Variants in CUL5 observed in about 807,000 individuals in gnomAD.
CUL5 encodes the protein cullin-5.
A neutral mutation model predicts 108.8 loss-of-function variants in CUL5; 26 were observed. The ratio of observed to expected loss-of-function variants is 0.24; its 90% CI spans 0.18 to 0.33. The LOEUF (loss-of-function observed/expected upper bound fraction) is 0.33, where lower values mean the gene tolerates loss of function less well. CUL5 is among the 10% of genes least tolerant of loss of function. The probability of loss-of-function intolerance (pLI) is 1.00; values close to 1 mark genes in which losing one functional copy is unlikely to be tolerated. For synonymous variants in CUL5, 334 were observed against 298.0 expected, an observed-to-expected ratio of 1.12 and a Z score of -1.25; for missense variants, 524 against 909.2, an observed-to-expected ratio of 0.58 and a Z score of 5.45.
chr11:108,009,686 CTGGGCCGTT>C lies in CUL5; in HGVS notation c.24+315_24+323del, dbSNP rs1333117676. On this transcript the variant is annotated intron_variant, in intron 1 of 18. Transcript: ENST00000393094. The stretch of plus-strand genomic sequence containing the variant: ...AATGGTCGTGCGGTGTCCTGACCAG[CTGGGCCGTT>C]AGTACTGTTAGGTCTCAGTTTCTTG... Among the ~76,000 whole-genome samples the C allele has an allele frequency of 3.9e-5, 6 of 152,212 alleles. No individual in the cohort carries two copies. The East Asian group carries it at 1.2e-3, about 29-fold the overall frequency.
chr11:108,100,791 G>T lies in CUL5; in HGVS notation c.2148+2262G>T, dbSNP rs180854650. On this transcript the variant is annotated intron_variant, in intron 18 of 18. Transcript: ENST00000393094. Reference sequence around the variant, plus strand: ...CACGCCTGTAATCCCAACACTTTGGGAGGCCGAGGCGGGTGGATCACAAGG... The same window carrying T: ...CACGCCTGTAATCCCAACACTTTGGTAGGCCGAGGCGGGTGGATCACAAGG... Among the ~76,000 whole-genome samples, 4 of 152,320 alleles carry T rather than the reference G, an allele frequency of 2.6e-5. No individual in the cohort carries two copies. The East Asian group carries it at 7.7e-4, about 29-fold the overall frequency.
At chr11:108,028,806 A>G (rs1347900154) in intron 1 of CUL5, among the ~76,000 whole-genome samples, 1 of 152,172 alleles carries the variant, frequency 6.6e-6, no homozygotes, top group African/African-American at 2.4e-5. Context: ...CCTGGGCAGT[A>G]GAGTAAGACT....
chr11:108,045,715 A>G (rs920950007), intron 2 of CUL5, among the ~76,000 whole-genome samples: 2 of 152,112 alleles, frequency 1.3e-5, no homozygotes, highest in South Asian at 2.1e-4. Context: ...TTAAAAAAAA[A>G]TTAGGCGTGG....
Position 108,009,159 on chromosome 11 carries a change from G to C in CUL5, c.-190G>C, listed in dbSNP as rs896367710. 5 of 632,870 alleles carry C rather than the reference G, an allele frequency of 7.9e-6. No individual in the cohort carries two copies. Among genetic ancestry groups the C allele is most frequent in the Non-Finnish European group, 1.4e-5 (5 of 352,092 alleles). 39.2% of individuals were successfully genotyped at this position (632,870 alleles called of 1,614,324 possible). A position where few individuals can be genotyped will look rare whatever the true frequency, so the allele number is the denominator to read the frequency against. On this transcript the variant is annotated 5_prime_UTR_variant, in exon 1 of 19. Coordinates refer to ENST00000393094, the MANE Select transcript of CUL5 (RefSeq NM_003478.6). ...GGGAAGCTCCGGTGACCATGTAGGG[G>C]AGAAGAGTGAGGAAGCTCCTGGTGC...
chr11:108,074,677 A>G (rs1210251693), intron 10 of CUL5, among the ~76,000 whole-genome samples: 1 of 151,978 alleles, frequency 6.6e-6, no homozygotes, highest in Non-Finnish European at 1.5e-5. Flanking sequence ...GTGGTGGTAC[A>G]TGCGTGTAAT....
chr11:108,065,030 A>AT (rs1340448481), intron 7 of CUL5, among the ~76,000 whole-genome samples: 1 of 151,738 alleles, frequency 6.6e-6, no homozygotes, highest in African/African-American at 2.4e-5. Flanking sequence ...TAATTAATTA[A>AT]TTAATTTTTT....
At chr11:108,091,736 AAAT>A (rs1864368763) in intron 13 of CUL5, among the ~76,000 whole-genome samples, 1 of 94,916 alleles carries the variant, frequency 1.1e-5, no homozygotes, top group South Asian at 3.0e-4. Context: ...CACACACGAC[AAAT>A]AATTAAAAGC....
intron 1 of CUL5, among the ~76,000 whole-genome samples, chr11:108,028,988 A>G (rs192194364): frequency 4.1e-4 from 63 of 152,314 alleles, no homozygotes; most frequent in Middle Eastern, 3.4e-3. Context: ...CTATGACCTT[A>G]TCTGCTCTCT....
intron 1 of CUL5, among the ~76,000 whole-genome samples, chr11:108,030,330 A>G (rs763301741): frequency 6.6e-6 from 1 of 152,180 alleles, no homozygotes; most frequent in Non-Finnish European, 1.5e-5. Context: ...GATATCTCCC[A>G]TGGGTCCTTA....
intron 11 of CUL5, among the ~76,000 whole-genome samples, chr11:108,084,666 AAAAG>A (rs1415226939): frequency 3.3e-5 from 5 of 152,236 alleles, no homozygotes; most frequent in East Asian, 3.8e-4. Context: ...TGACTTAACT[AAAAG>A]AAAAATCATT....
At chr11:108,052,893 A>C in intron 5 of CUL5, 92 bp downstream of exon 5, 1 of 1,083,222 alleles carries the variant, frequency 9.2e-7, no homozygotes, top group Non-Finnish European at 1.3e-6. Flanking sequence ...GTTTATTGGC[A>C]TACAAAGTTA....
At chr11:108,028,298 A>G (rs1397053319) in intron 1 of CUL5, among the ~76,000 whole-genome samples, 1 of 152,162 alleles carries the variant, frequency 6.6e-6, no homozygotes, top group East Asian at 1.9e-4. Flanking sequence ...TTACTGGACA[A>G]AAGCCTTAAA....
chr11:108,055,312 C>T (rs1054093832), intron 7 of CUL5, among the ~76,000 whole-genome samples: 3 of 152,122 alleles, frequency 2.0e-5, no homozygotes, highest in African/African-American at 7.2e-5. Flanking sequence ...ACAGTTGACT[C>T]TCTTTTTTTG....
At chr11:108,102,482 A>G (rs1483852320) in intron 18 of CUL5, among the ~76,000 whole-genome samples, 1 of 152,080 alleles carries the variant, frequency 6.6e-6, no homozygotes, top group Non-Finnish European at 1.5e-5. Context: ...GCGTGCCACC[A>G]TACCCAGCTA....
chr11:108,069,245 T>C (rs1863764261), intron 7 of CUL5, among the ~76,000 whole-genome samples: 1 of 152,150 alleles, frequency 6.6e-6, no homozygotes, highest in South Asian at 2.1e-4. Context: ...TACTCCAGCT[T>C]GGGCAGCAGA....
chr11:108,080,398 A>G (rs555685778), intron 11 of CUL5, among the ~76,000 whole-genome samples: 1 of 151,534 alleles, frequency 6.6e-6, no homozygotes, highest in African/African-American at 2.4e-5. Flanking sequence ...CCTTTTGCCC[A>G]TTTTTTTTGG....
chr11:108,083,055 T>C (rs3858398), intron 11 of CUL5, among the ~76,000 whole-genome samples: 1 of 152,224 alleles, frequency 6.6e-6, no homozygotes, highest in Admixed American at 6.5e-5. Flanking sequence ...CAAATAGAAA[T>C]ACTTTTACTT....
At chr11:108,027,176 C>T (rs932013389) in intron 1 of CUL5, among the ~76,000 whole-genome samples, 3 of 151,498 alleles carry the variant, frequency 2.0e-5, no homozygotes, top group South Asian at 2.1e-4. Flanking sequence ...CTGTCGCTGT[C>T]GCCTAGGCTG....
intron 7 of CUL5, among the ~76,000 whole-genome samples, chr11:108,067,602 AAC>A (rs1863718928): frequency 3.3e-5 from 5 of 152,242 alleles, no homozygotes; most frequent in Admixed American, 2.0e-4. Flanking sequence ...TACAGTCTGA[AAC>A]ACACTGGTCT....
Sources: allele counts gnomAD v4.1 joint callset (sites outside exome capture counted in the v4.1 genomes callset), GRCh38; gene constraint gnomAD v4.1.1; transcripts MANE v1.5; gene names NCBI Gene and HGNC (gene_info 2026-07-23, HGNC 2026-07-21).